OR4K2: variants seen among roughly 807,000 people sequenced by gnomAD.
OR4K2 encodes the protein olfactory receptor 4K2.
In OR4K2, 8 loss-of-function variants were observed where a neutral mutation model predicts 10.5. The ratio of observed to expected loss-of-function variants is 0.76; its 90% CI spans 0.45 to 1.37. OR4K2 has a LOEUF of 1.37. Among genes scored for constraint, OR4K2 ranks in the 40% most tolerant of loss-of-function variants. The probability of loss-of-function intolerance (pLI) is 0.00; values close to 1 mark genes in which losing one functional copy is unlikely to be tolerated. For synonymous variants in OR4K2, 178 were observed against 133.6 expected, an observed-to-expected ratio of 1.33 and a Z score of -2.29; for missense variants, 547 against 379.5, an observed-to-expected ratio of 1.44 and a Z score of -3.67.
In OR4K2 at chr14:19,876,549, T is replaced by A. The variant is rs200083532; in HGVS notation, c.282T>A (p.Phe94Leu). 8.7e-6 allele frequency: 14 copies of A among 1,614,232 alleles called. No individual in the cohort carries two copies. The highest frequency in any genetic ancestry group is 1.1e-5 in the Non-Finnish European group (13 of 1,180,016). Residue 94 changes from phenylalanine (F) to leucine (L), a missense_variant, in exon 2 of 2, where the codon TTT becomes TTA. Transcript: ENST00000641885. Reference protein sequence around the residue: ...DYLTGHKTISFDGCLTQIFFL... With the variant: ...DYLTGHKTISLDGCLTQIFFL... ...TAACAGGTCACAAAACCATCTCTTT[T>A]GATGGCTGCCTTACCCAGATATTCT...
chr14:19,877,664 A>G lies in OR4K2; in HGVS notation c.*452A>G, dbSNP rs1414375598. 1 of 155,698 alleles carries G rather than the reference A, an allele frequency of 6.4e-6. No homozygotes were observed. The highest frequency in any genetic ancestry group is 1.4e-5 in the Non-Finnish European group (1 of 70,506). 9.6% of individuals were successfully genotyped at this position (155,698 alleles called of 1,614,324 possible). On this transcript the variant is annotated 3_prime_UTR_variant, in exon 2 of 2. Coordinates refer to ENST00000641885, the MANE Select transcript of OR4K2 (RefSeq NM_001005501.2). ...TCTGACAGAGAAGCAATGATTTTCC[A>G]CATACGTTCCCAAGCCACTCCTACT...
rs1465248478 is a variant in OR4K2, at chr14:19,878,660, A to T, written c.*1448A>T. Reference sequence around the variant, plus strand: ...AAAACTTACAGCTTGAAAGTCTGTGATACTGTGTTTAAAGCCTGAGCAGTT... The same window carrying T: ...AAAACTTACAGCTTGAAAGTCTGTGTTACTGTGTTTAAAGCCTGAGCAGTT... On this transcript the variant is annotated 3_prime_UTR_variant, in exon 2 of 2. Transcript: ENST00000641885. 3 of 152,216 alleles carry T rather than the reference A, an allele frequency of 2.0e-5. No individual in the cohort carries two copies. The highest frequency in any genetic ancestry group is 4.4e-5 in the Non-Finnish European group (3 of 68,008). The allele number at this position is 152,216 out of a possible 1,614,324, so 9.4% of individuals were successfully genotyped here.
At position 19,879,229 on chromosome 14, in the gene OR4K2, C is replaced by CCGCCGTATCA. The variant is rs1880981472; in HGVS notation, c.*2017_*2018insCGCCGTATCA. The CCGCCGTATCA allele has an allele frequency of 6.6e-6, 1 of 150,694 alleles. No individual in the cohort carries two copies. The highest frequency in any genetic ancestry group is 6.6e-5 in the Admixed American group (1 of 15,124). The allele number at this position is 150,694 out of a possible 1,614,324, so 9.3% of individuals were successfully genotyped here. A position where few individuals can be genotyped will look rare whatever the true frequency, so the allele number is the denominator to read the frequency against. On this transcript the variant is annotated 3_prime_UTR_variant, in exon 2 of 2. Coordinates refer to ENST00000641885, the MANE Select transcript of OR4K2 (RefSeq NM_001005501.2). ...ATGGAACTATCACATTTCTCGGTGG[C>CCGCCGTATCA]TTAGTGTGAGGAGTCAATATTCATG... is the stretch of plus-strand genomic sequence containing the variant.
Position 19,880,432 on chromosome 14 carries a change from T to C in OR4K2, c.*3220T>C, listed in dbSNP as rs1197911990. ...GCATATGGTTGTCAATAAATGTTAGTCATTGTATCATTCTGGGTGATAACC... is the reference window on the plus strand; with the variant it reads ...GCATATGGTTGTCAATAAATGTTAGCCATTGTATCATTCTGGGTGATAACC... On this transcript the variant is annotated 3_prime_UTR_variant, in exon 2 of 2. Coordinates refer to ENST00000641885, the MANE Select transcript of OR4K2 (RefSeq NM_001005501.2). 1 of 152,266 alleles carries C rather than the reference T, an allele frequency of 6.6e-6. No homozygotes were observed. The highest frequency in any genetic ancestry group is 1.5e-5 in the Non-Finnish European group (1 of 68,050). 9.4% of individuals were successfully genotyped at this position (152,266 alleles called of 1,614,324 possible).
rs1881000736 is a variant in OR4K2, at chr14:19,880,070, TG to T, written c.*2859del. ...TTATAAGATTTTCTTGTGATTTTTT[TG>T]TAAAGCTCATCAGCTATCTTTAGTA... is the stretch of plus-strand genomic sequence containing the variant. On this transcript the variant is annotated 3_prime_UTR_variant, in exon 2 of 2. Coordinates refer to ENST00000641885, the MANE Select transcript of OR4K2 (RefSeq NM_001005501.2). 6.5e-6 allele frequency: 1 copy of T among 152,770 alleles called. No homozygotes were observed. Among genetic ancestry groups the T allele is most frequent in the Admixed American group, 6.5e-5 (1 of 15,290 alleles). The allele number at this position is 152,770 out of a possible 1,614,324, so 9.5% of individuals were successfully genotyped here. A position where few individuals can be genotyped will look rare whatever the true frequency, so the allele number is the denominator to read the frequency against.
chr14:19,880,186 T>C lies in OR4K2; in HGVS notation c.*2974T>C, dbSNP rs1205064339. On this transcript the variant is annotated 3_prime_UTR_variant, in exon 2 of 2. Coordinates refer to ENST00000641885, the MANE Select transcript of OR4K2 (RefSeq NM_001005501.2). The stretch of plus-strand genomic sequence containing the variant: ...TTTGGACACCCCTGCATTAAAAGGC[T>C]CTGCAGAATCTGAAGTCTAATGTGT... The C allele has an allele frequency of 1.3e-5, 2 of 152,830 alleles. No homozygotes were observed. Among genetic ancestry groups the C allele is most frequent in the Non-Finnish European group, 2.9e-5 (2 of 68,066 alleles). 9.5% of individuals were successfully genotyped at this position (152,830 alleles called of 1,614,324 possible).
rs1420525567 is a variant in OR4K2 at position 19,875,723 on chromosome 14, T to C, written c.-435T>C. 1 of 152,586 alleles carries C rather than the reference T, an allele frequency of 6.6e-6. No homozygotes were observed. The highest frequency in any genetic ancestry group is 1.5e-5 in the Non-Finnish European group (1 of 68,292). 9.5% of individuals were successfully genotyped at this position (152,586 alleles called of 1,614,324 possible). A position where few individuals can be genotyped will look rare whatever the true frequency, so the allele number is the denominator to read the frequency against. ...ACTTTATCTGGGAATACTTTAACAG[T>C]TCATCTCTGGAAATTTACAAGAGCT... is the stretch of plus-strand genomic sequence containing the variant. On this transcript the variant is annotated 5_prime_UTR_variant, in exon 1 of 2. Coordinates refer to ENST00000641885, the MANE Select transcript of OR4K2 (RefSeq NM_001005501.2).
rs765620631 is a variant in OR4K2 at position 19,876,371 on chromosome 14, A to T, written c.104A>T (p.Tyr35Phe). ...MFFFMVFSLLYVATMVGNSLI... is the reference protein window; with the variant it reads ...MFFFMVFSLLFVATMVGNSLI... ...TTCTTTATGGTGTTTTCATTGCTTT[A>T]TGTGGCAACAATGGTGGGTAACAGC... Residue 35 changes from tyrosine (Y) to phenylalanine (F), a missense_variant, in exon 2 of 2, where the codon TAT becomes TTT. Transcript: ENST00000641885. 6.2e-7 allele frequency: 1 copy of T among 1,614,062 alleles called. No homozygotes were observed. Among genetic ancestry groups the T allele is most frequent in the South Asian group, 1.1e-5 (1 of 91,076 alleles).
Position 19,882,863 on chromosome 14 carries a change from T to C in OR4K2, c.*5651T>C, listed in dbSNP as rs562589580. On this transcript the variant is annotated 3_prime_UTR_variant, in exon 2 of 2. Transcript: ENST00000641885. ...TTTTTTTTGAGACGGAGTCTTGCTC[T>C]GTCGCCCAGGCTGGAGTGCAGTAGC... The C allele has an allele frequency of 3.8e-4, 56 of 149,302 alleles. 1 individual carries two copies. The Admixed American group carries it at 3.8e-3, about 10-fold the overall frequency. 9.2% of individuals were successfully genotyped at this position (149,302 alleles called of 1,614,324 possible).
rs970711474 is a variant in OR4K2, at chr14:19,876,314, G to A, written c.47G>A (p.Gly16Glu). 3 of 1,613,136 alleles carry A rather than the reference G, an allele frequency of 1.9e-6. No homozygotes were observed. Among genetic ancestry groups the A allele is most frequent in the Admixed American group, 3.3e-5 (2 of 59,920 alleles). The change falls in exon 2 of 2, where the codon GGG becomes GAG. Residue 16 changes from glycine to glutamate, a missense_variant. Gly to Glu is a moderately conservative substitution (Grantham distance 98). Coordinates refer to ENST00000641885, the MANE Select transcript of OR4K2 (RefSeq NM_001005501.2). ...ACCATGTCTGAATTTGTTTTGCTGG[G>A]GCTCTCTAATTCCTGGGAACTACAG... is the stretch of plus-strand genomic sequence containing the variant. ...KSTMSEFVLL[G>E]LSNSWELQMF... is the part of the protein sequence containing the mutation.
rs538835912 is a variant in OR4K2, at chr14:19,876,472, A to G, written c.205A>G (p.Ile69Val). The change falls in exon 2 of 2, where the codon ATT (isoleucine) becomes GTT (valine). Residue 69 changes from isoleucine (I) to valine (V), a missense_variant. Coordinates refer to ENST00000641885, the MANE Select transcript of OR4K2 (RefSeq NM_001005501.2). The part of the protein sequence containing the change: ...MYFLLTNLSI[I>V]DMSLASFATP... ...TTTCCTGCTTACCAATCTTTCAATC[A>G]TTGATATGTCTCTTGCTTCTTTCGC... The G allele has an allele frequency of 9.9e-6, 16 of 1,614,020 alleles. No homozygotes were observed. Among genetic ancestry groups the G allele is most frequent in the Non-Finnish European group, 8.5e-6 (10 of 1,180,000 alleles).
rs1881067667 is a variant in OR4K2, at chr14:19,882,759, A to T, written c.*5547A>T. On this transcript the variant is annotated 3_prime_UTR_variant, in exon 2 of 2. Coordinates refer to ENST00000641885, the MANE Select transcript of OR4K2 (RefSeq NM_001005501.2). ...CACCAACTTTGTTTCCTTTTCTTGT[A>T]GCCTACAAGTCTCACTATCACTATC... is the stretch of plus-strand genomic sequence containing the variant. 6.6e-6 allele frequency: 1 copy of T among 152,242 alleles called. No homozygotes were observed. Among genetic ancestry groups the T allele is most frequent in the Admixed American group, 6.5e-5 (1 of 15,272 alleles). The allele number at this position is 152,242 out of a possible 1,614,324, so 9.4% of individuals were successfully genotyped here. A position where few individuals can be genotyped will look rare whatever the true frequency, so the allele number is the denominator to read the frequency against.
In OR4K2 at chr14:19,876,138, A is replaced by G. The variant is rs1880886985; in HGVS notation, c.-24+4A>G. The G allele has an allele frequency of 1.3e-6, 1 of 755,800 alleles. No homozygotes were observed. Among genetic ancestry groups the G allele is most frequent in the South Asian group, 1.9e-5 (1 of 52,674 alleles). 46.8% of individuals were successfully genotyped at this position (755,800 alleles called of 1,614,324 possible). On this transcript the variant is annotated splice_donor_region_variant and intron_variant, in intron 1 of 1. Transcript: ENST00000641885. ...AAGGATGGAAAGAATAGTCAAGGTAAGTTTTATGAGAAGATAAAATTTCTG... is the reference window on the plus strand; with the variant it reads ...AAGGATGGAAAGAATAGTCAAGGTAGGTTTTATGAGAAGATAAAATTTCTG...
chr14:19,883,625 A>T lies in OR4K2; in HGVS notation c.*6413A>T, dbSNP rs74036122. 5.3e-5 allele frequency: 8 copies of T among 150,310 alleles called. No homozygotes were observed. Among genetic ancestry groups the T allele is most frequent in the African/African-American group, 1.9e-4 (8 of 41,278 alleles). 9.3% of individuals were successfully genotyped at this position (150,310 alleles called of 1,614,324 possible). A position where few individuals can be genotyped will look rare whatever the true frequency, so the allele number is the denominator to read the frequency against. On this transcript the variant is annotated 3_prime_UTR_variant, in exon 2 of 2. Coordinates refer to ENST00000641885, the MANE Select transcript of OR4K2 (RefSeq NM_001005501.2). ...CTGATATTTATATTAGTAGTTAAAT[A>T]ATTAAATAGTAGTTAAAGTAATTAA...
In OR4K2 at chr14:19,876,272, ATG is replaced by A; in HGVS notation, c.8_9del (p.Val3GlyfsTer3). 7.0e-7 allele frequency: 1 copy of A among 1,438,202 alleles called. No homozygotes were observed. The highest frequency in any genetic ancestry group is 9.6e-7 in the Non-Finnish European group (1 of 1,045,782). 89.1% of individuals were successfully genotyped at this position (1,438,202 alleles called of 1,614,324 possible). A position where few individuals can be genotyped will look rare whatever the true frequency, so the allele number is the denominator to read the frequency against. On this transcript the variant is annotated frameshift_variant, in exon 2 of 2. Transcript: ENST00000641885. LOFTEE classifies it low-confidence loss of function (END_TRUNC). Reference sequence around the variant, plus strand: ...TTCTGCCTATGAATCAAGACAATGGATGTGGGCAATAAGTCTACCATGTCTGA... The same window carrying A: ...TTCTGCCTATGAATCAAGACAATGGATGGGCAATAAGTCTACCATGTCTGA...
rs1880883468 is a variant in OR4K2, at chr14:19,875,979, A to T, written c.-179A>T. 5.3e-6 allele frequency: 2 copies of T among 380,736 alleles called. No homozygotes were observed. Among genetic ancestry groups the T allele is most frequent in the Non-Finnish European group, 9.5e-6 (2 of 211,458 alleles). 23.6% of individuals were successfully genotyped at this position (380,736 alleles called of 1,614,324 possible). On this transcript the variant is annotated 5_prime_UTR_variant, in exon 1 of 2. An upstream start codon of the reference 5' UTR is lost. Coordinates refer to ENST00000641885, the MANE Select transcript of OR4K2 (RefSeq NM_001005501.2). Reference sequence around the variant, plus strand: ...AAATAGGTAGGTATGTCTGTTCAGAATGATATTATCTTGGTTGGATTGCCA... The same window carrying T: ...AAATAGGTAGGTATGTCTGTTCAGATTGATATTATCTTGGTTGGATTGCCA...
At position 19,879,405 on chromosome 14, in the gene OR4K2, A is replaced by G. The variant is rs1319954; in HGVS notation, c.*2193A>G. On this transcript the variant is annotated 3_prime_UTR_variant, in exon 2 of 2. Transcript: ENST00000641885. ...TGACATGGCCATGGACTCGTTAAGC[A>G]ATAGTAAGGATGGTGCCAGCTGCCA... The G allele has an allele frequency of 6.6e-6, 1 of 152,008 alleles. No individual in the cohort carries two copies. The highest frequency in any genetic ancestry group is 1.5e-5 in the Non-Finnish European group (1 of 68,032). The allele number at this position is 152,008 out of a possible 1,614,324, so 9.4% of individuals were successfully genotyped here. A position where few individuals can be genotyped will look rare whatever the true frequency, so the allele number is the denominator to read the frequency against.
rs188129403 is a variant in OR4K2, at chr14:19,883,856, C to T, written c.*6644C>T. The T allele has an allele frequency of 1.3e-5, 2 of 152,332 alleles. No homozygotes were observed. The highest frequency in any genetic ancestry group is 1.3e-4 in the Admixed American group (2 of 15,302). The allele number at this position is 152,332 out of a possible 1,614,324, so 9.4% of individuals were successfully genotyped here. A position where few individuals can be genotyped will look rare whatever the true frequency, so the allele number is the denominator to read the frequency against. ...CTTTTTAAATAAAATAAATTTGAAT[C>T]CCTGTTTGTACCTGGAGACCGTTTT... On this transcript the variant is annotated 3_prime_UTR_variant, in exon 2 of 2. Transcript: ENST00000641885.
rs2138533834 is a variant in OR4K2 at position 19,880,285 on chromosome 14, G to T, written c.*3073G>T. On this transcript the variant is annotated 3_prime_UTR_variant, in exon 2 of 2. Coordinates refer to ENST00000641885, the MANE Select transcript of OR4K2 (RefSeq NM_001005501.2). ...TTTAATACTACTTCTACTACTAGTGGTGTAAACTTAAGCTAAGTACTTAAT... is the reference window on the plus strand; with the variant it reads ...TTTAATACTACTTCTACTACTAGTGTTGTAAACTTAAGCTAAGTACTTAAT... 1 of 152,138 alleles carries T rather than the reference G, an allele frequency of 6.6e-6. No individual in the cohort carries two copies. The highest frequency in any genetic ancestry group is 2.1e-4 in the South Asian group (1 of 4,814). 9.4% of individuals were successfully genotyped at this position (152,138 alleles called of 1,614,324 possible). A position where few individuals can be genotyped will look rare whatever the true frequency, so the allele number is the denominator to read the frequency against.
Sources: gnomAD v4.1 joint callset for allele counts on GRCh38, gnomAD v4.1.1 for gene constraint, MANE v1.5 for transcripts, NCBI Gene and HGNC (gene_info 2026-07-23, HGNC 2026-07-21) for gene names.